Variants in PI4KA observed in about 807,000 individuals in gnomAD.
PI4KA encodes the protein phosphatidylinositol 4-kinase alpha, also known as PI4-kinase alpha.
A neutral mutation model predicts 271.4 loss-of-function variants in PI4KA; 122 were observed. The observed-to-expected ratio is 0.45, with a 90% CI of 0.39 to 0.52. The LOEUF (loss-of-function observed/expected upper bound fraction) is 0.52, where lower values mean the gene tolerates loss of function less well. Ranked by LOEUF, PI4KA falls within the 20% of genes least tolerant of loss-of-function variation. The pLI is 0.00. For synonymous variants in PI4KA, 1,041 were observed against 1,078.8 expected, an observed-to-expected ratio of 0.96 and a Z score of 0.69; for missense variants, 1,969 against 2,769.1, an observed-to-expected ratio of 0.71 and a Z score of 6.48.
intron 19 of PI4KA, among the ~76,000 whole-genome samples, chr22:20,770,480 T>C (rs1275332302): frequency 7.7e-6 from 1 of 130,086 alleles, no homozygotes; most frequent in Non-Finnish European, 1.6e-5. Context: ...GCCACTGCAC[T>C]CCAGCCTGGG....
chr22:20,779,816 T>A (rs1458493245), intron 19 of PI4KA: 5 of 1,614,094 alleles, frequency 3.1e-6, no homozygotes, highest in Non-Finnish European at 4.2e-6. Context: ...TTTCCTTAGG[T>A]CTGAAGGGAG....
intron 18 of PI4KA, among the ~76,000 whole-genome samples, chr22:20,793,539 T>C (rs1166682828): frequency 3.3e-5 from 5 of 152,094 alleles, no homozygotes; most frequent in Admixed American, 3.3e-4. Flanking sequence ...GAAAAGCATT[T>C]AGTCACCATG....
intron 19 of PI4KA, chr22:20,779,249 T>C: frequency 6.2e-7 from 1 of 1,609,914 alleles, no homozygotes; most frequent in South Asian, 1.1e-5. Flanking sequence ...TGCAGCGGGG[T>C]GTGGATCAGC....
intron 42 of PI4KA, among the ~76,000 whole-genome samples, chr22:20,724,313 A>C (rs1019777323): frequency 2.0e-5 from 3 of 151,522 alleles, no homozygotes; most frequent in Non-Finnish European, 4.4e-5. Context: ...CTAAAAAAAA[A>C]AAAAAATTCT....
chr22:20,786,839 G>C, intron 19 of PI4KA: 1 of 1,606,688 alleles, frequency 6.2e-7, no homozygotes, highest in Non-Finnish European at 8.5e-7. Context: ...TCTGTGTGCT[G>C]ACCTCCAGAA....
At position 20,712,714 on chromosome 22, in the gene PI4KA, G is replaced by A. The variant is rs748208987; in HGVS notation, c.5655C>T (p.Arg1885=). 1.0e-5 allele frequency: 16 copies of A among 1,550,478 alleles called. No individual in the cohort carries two copies. Among genetic ancestry groups the A allele is most frequent in the Non-Finnish European group, 1.3e-5 (15 of 1,147,180 alleles). ...VGLDLFVFPY[R]VVATAPGCGV... ...TTACCCCAGGGGCAGTGGCCACCAC[G>A]CGGTAGGGAAAAACAAAGAGGTCCA... Residue 1885 remains arginine, a synonymous_variant, in exon 49 of 55, where the codon CGC becomes CGT. Transcript: ENST00000255882.
intron 23 of PI4KA, among the ~76,000 whole-genome samples, chr22:20,758,465 T>C (rs1931586013): frequency 1.4e-5 from 2 of 147,344 alleles, no homozygotes; most frequent in South Asian, 4.2e-4. Flanking sequence ...TTTTCTTTTT[T>C]TTTTTTTTTT....
At chr22:20,774,206 C>T (rs1187811526) in intron 19 of PI4KA, 1 of 152,144 alleles carries the variant, frequency 6.6e-6, no homozygotes, top group Non-Finnish European at 1.5e-5. Flanking sequence ...TACGGATAGG[C>T]AACTGGTTCA....
At chr22:20,761,835 C>A (rs552793009) in intron 22 of PI4KA, among the ~76,000 whole-genome samples, 8 of 152,334 alleles carry the variant, frequency 5.3e-5, no homozygotes, top group Non-Finnish European at 1.2e-4. Context: ...ACATGTCCAG[C>A]ATGACCCCAC....
intron 19 of PI4KA, among the ~76,000 whole-genome samples, chr22:20,774,814 G>A (rs2147453360): frequency 6.6e-6 from 1 of 151,756 alleles, no homozygotes; most frequent in South Asian, 2.1e-4. Flanking sequence ...CAAGATATAG[G>A]AGACCTACTC....
intron 19 of PI4KA, among the ~76,000 whole-genome samples, chr22:20,765,908 A>G (rs57098337): frequency 0.029 from 4,472 of 152,288 alleles, 87 homozygotes; most frequent in Middle Eastern, 0.061. Flanking sequence ...GTGCTGTGCC[A>G]GGGAGGAAAA....
At chr22:20,761,424 C>A (rs753547124) in intron 22 of PI4KA, 38 bp from the exon 23 acceptor site, 21 of 1,309,068 alleles carry the variant, frequency 1.6e-5, no homozygotes, top group Non-Finnish European at 2.1e-5. Context: ...TTTGAAAAAT[C>A]TGGGCCCTCC....
chr22:20,831,545 G>A (rs192903052), intron 3 of PI4KA, among the ~76,000 whole-genome samples: 7 of 152,208 alleles, frequency 4.6e-5, no homozygotes, highest in Admixed American at 1.3e-4. Context: ...TCCAGCCTGA[G>A]TGATGGAGTG....
chr22:20,726,089 G>C (rs1004531406), intron 42 of PI4KA, among the ~76,000 whole-genome samples: 7 of 152,198 alleles, frequency 4.6e-5, no homozygotes, highest in Non-Finnish European at 7.3e-5. Flanking sequence ...AAGCTGCCCA[G>C]TCTGTGGTGC....
At chr22:20,774,758 CAAAA>C (rs361993) in intron 19 of PI4KA, among the ~76,000 whole-genome samples, 7 of 107,356 alleles carry the variant, frequency 6.5e-5, no homozygotes, top group Non-Finnish European at 9.9e-5. Context: ...TAGACTCCGT[CAAAA>C]AAAAAAAAAA....
chr22:20,814,245 A>G (rs1315555387), intron 7 of PI4KA, among the ~76,000 whole-genome samples: 10 of 152,210 alleles, frequency 6.6e-5, no homozygotes, highest in Non-Finnish European at 2.9e-5. Flanking sequence ...ACCTGTCACT[A>G]AAAGACAAAT....
At chr22:20,852,248 T>C (rs187657907) in intron 1 of PI4KA, among the ~76,000 whole-genome samples, 4 of 152,296 alleles carry the variant, frequency 2.6e-5, no homozygotes, top group Admixed American at 6.5e-5. Flanking sequence ...ACACCTCCAA[T>C]GAGTGCAAAC....
chr22:20,771,069 A>T (rs942267931), intron 19 of PI4KA, among the ~76,000 whole-genome samples: 2 of 152,108 alleles, frequency 1.3e-5, no homozygotes, highest in African/African-American at 4.8e-5. Flanking sequence ...CCATAAGACA[A>T]ACCTTGAAAC....
chr22:20,799,020 T>C (rs1353064577), intron 16 of PI4KA, 73 bp downstream of exon 16: 5 of 1,234,784 alleles, frequency 4.0e-6, no homozygotes, highest in Non-Finnish European at 5.7e-6. Context: ...TCTGTATTTG[T>C]ACATCCCTTA....
Sources: allele counts gnomAD v4.1 joint callset (sites outside exome capture counted in the v4.1 genomes callset), GRCh38; gene constraint gnomAD v4.1.1; transcripts MANE v1.5; gene names NCBI Gene and HGNC (gene_info 2026-07-23, HGNC 2026-07-21).